AKIRIN2: variants seen among roughly 807,000 people sequenced by gnomAD.
The protein encoded by AKIRIN2 is akirin 2.
A neutral mutation model predicts 29.3 loss-of-function variants in AKIRIN2; 6 were observed. That is an observed-to-expected ratio of 0.20 (90% CI 0.11 to 0.40). The LOEUF (loss-of-function observed/expected upper bound fraction) is 0.40, where lower values mean the gene tolerates loss of function less well. Ranked by LOEUF, AKIRIN2 falls within the 10% of genes least tolerant of loss-of-function variation. The probability of loss-of-function intolerance (pLI) is 1.00; values close to 1 mark genes in which losing one functional copy is unlikely to be tolerated. For missense variants in AKIRIN2, 210 were observed against 276.1 expected (o/e 0.76, Z 1.70); for synonymous variants, 128 against 117.5 (o/e 1.09, Z -0.58).
intron 1 of AKIRIN2, among the ~76,000 whole-genome samples, chr6:87,699,579 T>A (rs1319947582): frequency 6.6e-6 from 1 of 151,456 alleles, no homozygotes; most frequent in Non-Finnish European, 1.5e-5. Flanking sequence ...TTTTGGAAAG[T>A]GAATGTGAAT....
intron 4 of AKIRIN2, 121 bp downstream of exon 4, chr6:87,675,739 C>A: frequency 6.9e-7 from 1 of 1,445,548 alleles, no homozygotes; most frequent in South Asian, 1.2e-5. Context: ...CTGCCTATTT[C>A]CTCCATACAT....
At chr6:87,680,384 C>T (rs936201876) in intron 2 of AKIRIN2, among the ~76,000 whole-genome samples, 2 of 149,456 alleles carry the variant, frequency 1.3e-5, no homozygotes, top group African/African-American at 4.9e-5. Context: ...CGGGTTCATG[C>T]CATTCTCCTA....
At chr6:87,676,461 A>AC (rs1770991373) in intron 3 of AKIRIN2, among the ~76,000 whole-genome samples, 2 of 141,282 alleles carry the variant, frequency 1.4e-5, no homozygotes, top group African/African-American at 5.1e-5. Context: ...AAAAAAAAAA[A>AC]AAAAAAAAAA....
At chr6:87,699,716 G>A (rs1771426949) in intron 1 of AKIRIN2, among the ~76,000 whole-genome samples, 1 of 152,178 alleles carries the variant, frequency 6.6e-6, no homozygotes, top group South Asian at 2.1e-4. Flanking sequence ...CCAATGAAAA[G>A]TCGTTTACAA....
Position 87,685,944 on chromosome 6 carries a change from G to A in AKIRIN2, c.236-4181C>T, listed in dbSNP as rs535840740. On this transcript the variant is annotated intron_variant, in intron 1 of 4. Coordinates refer to ENST00000257787, the MANE Select transcript of AKIRIN2 (RefSeq NM_018064.4). ...ACAACAAATTAGGAGGCCAGATGCA[G>A]TGGCTCACCCCTTTAATCCCAGCAC... Among the ~76,000 whole-genome samples, 48 of 152,304 alleles carry A rather than the reference G, an allele frequency of 3.2e-4. 1 individual carries two copies. The South Asian group carries it at 9.5e-3, about 30-fold the overall frequency.
At chr6:87,701,383 C>A in intron 1 of AKIRIN2, 67 bp downstream of exon 1, 1 of 1,469,066 alleles carries the variant, frequency 6.8e-7, no homozygotes, top group Admixed American at 2.5e-5. Flanking sequence ...GGGGCCGCAT[C>A]CCACACCCCA....
At chr6:87,681,559 T>G in intron 2 of AKIRIN2, 61 bp downstream of exon 2, 1 of 1,512,020 alleles carries the variant, frequency 6.6e-7, no homozygotes, top group Non-Finnish European at 8.9e-7. Context: ...TAAAGACAAC[T>G]TGGATTAGAC....
chr6:87,679,111 G>T (rs961098290), intron 2 of AKIRIN2, among the ~76,000 whole-genome samples: 3 of 147,646 alleles, frequency 2.0e-5, no homozygotes, highest in Non-Finnish European at 3.0e-5. Flanking sequence ...CTCCAGCCTA[G>T]GCAACAAGAG....
chr6:87,689,891 T>C (rs946754219), intron 1 of AKIRIN2, among the ~76,000 whole-genome samples: 3 of 152,164 alleles, frequency 2.0e-5, no homozygotes, highest in African/African-American at 7.2e-5. Flanking sequence ...CTATGCGTAT[T>C]TAAAGTTTCT....
intron 1 of AKIRIN2, among the ~76,000 whole-genome samples, chr6:87,687,186 A>C (rs775604479): frequency 1.5e-4 from 23 of 149,368 alleles, no homozygotes; most frequent in Non-Finnish European, 3.2e-4. Context: ...TTCCAAAATA[A>C]CAGAGCAATG....
At chr6:87,690,079 G>C (rs1771254343) in intron 1 of AKIRIN2, among the ~76,000 whole-genome samples, 1 of 151,962 alleles carries the variant, frequency 6.6e-6, no homozygotes, top group Non-Finnish European at 1.5e-5. Context: ...TGAGCATGGT[G>C]GCAGGAGCCT....
At chr6:87,688,608 A>G (rs115449638) in intron 1 of AKIRIN2, among the ~76,000 whole-genome samples, 5,173 of 152,192 alleles carry the variant, frequency 0.034, 289 homozygotes, top group African/African-American at 0.12. Flanking sequence ...AAATTAGCCA[A>G]GCATGCTGGC....
intron 2 of AKIRIN2, 55 bp from the exon 3 acceptor site, chr6:87,678,022 A>C: frequency 6.7e-7 from 1 of 1,495,910 alleles, no homozygotes; most frequent in Non-Finnish European, 9.0e-7. Context: ...GATATAAAGC[A>C]GTTTCTAAAT....
At chr6:87,677,176 T>G (rs1771028270) in intron 3 of AKIRIN2, among the ~76,000 whole-genome samples, 1 of 151,962 alleles carries the variant, frequency 6.6e-6, no homozygotes, top group Admixed American at 6.6e-5. Context: ...GGCAACTGAC[T>G]GCAATGAGAA....
intron 2 of AKIRIN2, among the ~76,000 whole-genome samples, chr6:87,678,759 A>C (rs1029516510): frequency 5.3e-5 from 8 of 152,180 alleles, no homozygotes; most frequent in Middle Eastern, 3.2e-3. Flanking sequence ...CCATACCATT[A>C]ATATCTTAAG....
At chr6:87,695,882 T>TA (rs1159319828) in intron 1 of AKIRIN2, among the ~76,000 whole-genome samples, 1 of 138,080 alleles carries the variant, frequency 7.2e-6, no homozygotes, top group Non-Finnish European at 1.6e-5. Context: ...TCAAAACACT[T>TA]AGCAGAAAAA....
chr6:87,677,991 T>G (rs374299218), intron 2 of AKIRIN2, 24 bp from the exon 3 acceptor site: 9 of 1,599,172 alleles, frequency 5.6e-6, no homozygotes, highest in Non-Finnish European at 6.8e-6. Context: ...GGACAAAAAA[T>G]AGCACCTGGT....
intron 3 of AKIRIN2, among the ~76,000 whole-genome samples, chr6:87,676,596 A>AAT (rs1554256933): frequency 7.0e-6 from 1 of 142,046 alleles, no homozygotes. Flanking sequence ...CTCTACTAAA[A>AAT]ACACACACAC....
At position 87,701,603 on chromosome 6, in the gene AKIRIN2, C is replaced by A. The variant is rs1378674744; in HGVS notation, c.82G>T (p.Ala28Ser). ...GCCGAGGTGGGCGCCGACAATGGCG[C>A]ACATCGCCTGCGCTTCGGGGACGCC... Reference protein sequence around the residue: ...SPASPKRRRCAPLSAPTSAAA... With the variant: ...SPASPKRRRCSPLSAPTSAAA... Residue 28 changes from alanine (A) to serine (S), a missense_variant, in exon 1 of 5, where the codon GCG becomes TCG. Coordinates refer to ENST00000257787, the MANE Select transcript of AKIRIN2 (RefSeq NM_018064.4). 1 of 1,442,068 alleles carries A rather than the reference C, an allele frequency of 6.9e-7. No individual in the cohort carries two copies. Among genetic ancestry groups the A allele is most frequent in the African/African-American group, 1.5e-5 (1 of 66,724 alleles). The allele number at this position is 1,442,068 out of a possible 1,614,324, so 89.3% of individuals were successfully genotyped here.
Sources: gnomAD v4.1 joint callset for allele counts (sites outside exome capture counted in the v4.1 genomes callset) on GRCh38, gnomAD v4.1.1 for gene constraint, MANE v1.5 for transcripts, NCBI Gene and HGNC (gene_info 2026-07-23, HGNC 2026-07-21) for gene names.